Variants in MTUS2 observed in about 807,000 individuals in gnomAD.
MTUS2 encodes microtubule-associated tumor suppressor candidate 2.
MTUS2 carries 40 observed loss-of-function variants against 114.1 expected under a neutral mutation model. That is an observed-to-expected ratio of 0.35 (90% CI 0.27 to 0.46). The LOEUF is 0.46. Among genes scored for constraint, MTUS2 ranks in the 20% least tolerant of loss-of-function variants. The probability of loss-of-function intolerance (pLI) is 1.00; values close to 1 mark genes in which losing one functional copy is unlikely to be tolerated. For synonymous variants in MTUS2, 688 were observed against 672.0 expected (o/e 1.02, Z -0.37); for missense variants, 1,679 against 1,705.4 (o/e 0.98, Z 0.27).
At chr13:29,028,154 C>T (rs574273354) in intron 3 of MTUS2, among the ~76,000 whole-genome samples, 1 of 152,132 alleles carries the variant, frequency 6.6e-6, no homozygotes, top group South Asian at 2.1e-4. Flanking sequence ...AGATCGAGAC[C>T]ATCCTGGCCA....
chr13:29,434,090 G>A (rs1450163680), intron 8 of MTUS2, among the ~76,000 whole-genome samples: 1 of 152,094 alleles, frequency 6.6e-6, no homozygotes, highest in Non-Finnish European at 1.5e-5. Flanking sequence ...GGGCTTACGT[G>A]TATATTTTTA....
chr13:29,504,866 G>T lies in MTUS2; in HGVS notation c.*1660G>T, dbSNP rs767828583. On this transcript the variant is annotated 3_prime_UTR_variant, in exon 16 of 16. Coordinates refer to ENST00000612955, the MANE Select transcript of MTUS2 (RefSeq NM_001033602.4). ...CCTGCAGGGGCCGGAGCCATGGAACGGGGAAGAAAACAGCCCGCGGACGGG... is the reference window on the plus strand; with the variant it reads ...CCTGCAGGGGCCGGAGCCATGGAACTGGGAAGAAAACAGCCCGCGGACGGG... 2.2e-4 allele frequency: 50 copies of T among 232,522 alleles called. No homozygotes were observed. The highest frequency in any genetic ancestry group is 1.7e-4 in the Admixed American group (3 of 17,768). 14.4% of individuals were successfully genotyped at this position (232,522 alleles called of 1,614,324 possible).
intron 5 of MTUS2, among the ~76,000 whole-genome samples, chr13:29,217,448 T>A (rs183862539): frequency 5.3e-5 from 8 of 152,340 alleles, no homozygotes; most frequent in Admixed American, 3.9e-4. Flanking sequence ...GGTTACACTA[T>A]AGTCTATTAA....
chr13:29,088,760 A>C (rs1015027127), intron 4 of MTUS2, among the ~76,000 whole-genome samples: 1 of 151,930 alleles, frequency 6.6e-6, no homozygotes, highest in Non-Finnish European at 1.5e-5. Context: ...ATCATAGTCT[A>C]TTTTTTTCTA....
intron 8 of MTUS2, among the ~76,000 whole-genome samples, chr13:29,423,731 G>A (rs1356531822): frequency 6.6e-6 from 1 of 152,148 alleles, no homozygotes; most frequent in Non-Finnish European, 1.5e-5. Context: ...AAGATGATTA[G>A]GCATTTATCC....
intron 2 of MTUS2, among the ~76,000 whole-genome samples, chr13:28,925,509 T>C (rs1002833766): frequency 6.6e-6 from 1 of 152,254 alleles, no homozygotes; most frequent in African/African-American, 2.4e-5. Flanking sequence ...AAATTTCTAG[T>C]ACTATCTTTT....
intron 8 of MTUS2, among the ~76,000 whole-genome samples, chr13:29,399,738 G>T (rs1158974829): frequency 6.6e-6 from 1 of 152,032 alleles, no homozygotes; most frequent in East Asian, 1.9e-4. Flanking sequence ...ATTGGAAGAG[G>T]CATTATTAAA....
intron 2 of MTUS2, among the ~76,000 whole-genome samples, chr13:28,868,273 C>A (rs985841121): frequency 1.2e-4 from 18 of 152,134 alleles, no homozygotes; most frequent in Non-Finnish European, 1.8e-4. Context: ...ATAGGTTTAT[C>A]CATCTGTTTC....
At chr13:29,090,388 G>C (rs987662120) in intron 4 of MTUS2, among the ~76,000 whole-genome samples, 7 of 152,182 alleles carry the variant, frequency 4.6e-5, no homozygotes, top group African/African-American at 1.7e-4. Context: ...GTAGTGGAGT[G>C]CCTGTGGGAG....
At chr13:28,840,133 C>T (rs984228976) in intron 2 of MTUS2, among the ~76,000 whole-genome samples, 3 of 151,228 alleles carry the variant, frequency 2.0e-5, no homozygotes, top group African/African-American at 7.3e-5. Flanking sequence ...GAATTGACAC[C>T]TCTTACTTAG....
chr13:28,933,257 G>A (rs960679764), intron 2 of MTUS2, among the ~76,000 whole-genome samples: 1 of 152,012 alleles, frequency 6.6e-6, no homozygotes, highest in Non-Finnish European at 1.5e-5. Context: ...AGGCTGGCAG[G>A]CTTAGAAACT....
chr13:28,859,192 G>A (rs1353475602), intron 2 of MTUS2, among the ~76,000 whole-genome samples: 1 of 152,190 alleles, frequency 6.6e-6, no homozygotes, highest in Non-Finnish European at 1.5e-5. Context: ...AGTGGGGCTA[G>A]AACCAGGTTG....
chr13:29,484,508 C>A (rs1250101737), intron 10 of MTUS2, among the ~76,000 whole-genome samples: 1 of 152,224 alleles, frequency 6.6e-6, no homozygotes, highest in African/African-American at 2.4e-5. Flanking sequence ...TGCAGAGGGG[C>A]AAAGGCACAG....
intron 9 of MTUS2, among the ~76,000 whole-genome samples, chr13:29,441,341 G>A (rs1296009844): frequency 1.3e-5 from 2 of 152,202 alleles, no homozygotes; most frequent in African/African-American, 4.8e-5. Context: ...AGCGGGAGGG[G>A]AGAAAGTGGC....
At chr13:28,863,943 G>A (rs1877143527) in intron 2 of MTUS2, among the ~76,000 whole-genome samples, 1 of 152,094 alleles carries the variant, frequency 6.6e-6, no homozygotes, top group African/African-American at 2.4e-5. Context: ...CGATCCTCCT[G>A]CATCAGCCTC....
In MTUS2 at chr13:29,024,679, G is replaced by A. The variant is rs1451960680; in HGVS notation, c.-20G>A. ...ATTAAGTAGGACTGCATGGCAAGCA[G>A]CCCCACCAAAGGGTTGACAATGAGC... On this transcript the variant is annotated 5_prime_UTR_variant, in exon 3 of 16. Transcript: ENST00000612955. The A allele has an allele frequency of 4.3e-6, 7 of 1,610,276 alleles. No individual in the cohort carries two copies. The highest frequency in any genetic ancestry group is 5.9e-6 in the Non-Finnish European group (7 of 1,178,236).
intron 5 of MTUS2, among the ~76,000 whole-genome samples, chr13:29,176,044 A>G (rs1893759231): frequency 6.6e-6 from 1 of 152,040 alleles, no homozygotes; most frequent in Admixed American, 6.6e-5. Flanking sequence ...GATAAATTCA[A>G]CTTGGTCATC....
intron 3 of MTUS2, among the ~76,000 whole-genome samples, chr13:29,032,499 G>A (rs940026641): frequency 2.0e-5 from 3 of 152,202 alleles, no homozygotes; most frequent in Admixed American, 1.3e-4. Flanking sequence ...AAAAACCAGA[G>A]ATTGATAGTG....
At chr13:29,345,997 C>T (rs1868639870) in intron 7 of MTUS2, among the ~76,000 whole-genome samples, 1 of 152,204 alleles carries the variant, frequency 6.6e-6, no homozygotes, top group Non-Finnish European at 1.5e-5. Flanking sequence ...AAAGAGTCCT[C>T]TGATGTCATC....
Sources: gnomAD v4.1 joint callset for allele counts (sites outside exome capture counted in the v4.1 genomes callset) on GRCh38, gnomAD v4.1.1 for gene constraint, MANE v1.5 for transcripts, NCBI Gene and HGNC (gene_info 2026-07-23, HGNC 2026-07-21) for gene names.